The following HIBADH variants were observed in gnomAD, a reference collection of about 807,000 sequenced individuals.
HIBADH encodes the protein 3-hydroxyisobutyrate dehydrogenase, mitochondrial.
Under a neutral mutation model 36.1 loss-of-function variants are expected in HIBADH, and 25 were observed. That is an observed-to-expected ratio of 0.69 (90% CI 0.50 to 0.97). HIBADH has a LOEUF of 0.97. HIBADH is among the 50% of genes least tolerant of loss of function. The pLI, the probability that HIBADH is intolerant of heterozygous loss-of-function variation, is 0.00. For synonymous variants in HIBADH, 160 were observed against 149.5 expected (o/e 1.07, Z -0.51); for missense variants, 421 against 418.0 (o/e 1.01, Z -0.06).
At chr7:27,628,145 T>C (rs1259397749) in intron 4 of HIBADH, among the ~76,000 whole-genome samples, 1 of 152,106 alleles carries the variant, frequency 6.6e-6, no homozygotes, top group Non-Finnish European at 1.5e-5. Flanking sequence ...TAGTATTTTG[T>C]AGGTACTTTT....
intron 4 of HIBADH, among the ~76,000 whole-genome samples, chr7:27,623,618 G>A (rs942326710): frequency 5.9e-5 from 9 of 152,032 alleles, no homozygotes; most frequent in East Asian, 1.9e-4. Flanking sequence ...TGATCTAGCC[G>A]AGAAGAACAT....
At chr7:27,570,765 A>C (rs1263187090) in intron 4 of HIBADH, among the ~76,000 whole-genome samples, 2 of 152,058 alleles carry the variant, frequency 1.3e-5, no homozygotes, top group Non-Finnish European at 2.9e-5. Flanking sequence ...TTTTATAGGT[A>C]ATGTGTCTTT....
chr7:27,619,602 G>A (rs12700823), intron 4 of HIBADH, among the ~76,000 whole-genome samples: 120,866 of 152,144 alleles, frequency 0.79, 48,406 homozygotes, highest in East Asian at 0.97. Flanking sequence ...GAAATTTACC[G>A]AAGAGATAGA....
At chr7:27,640,927 C>T (rs779038604) in intron 2 of HIBADH, among the ~76,000 whole-genome samples, 1 of 152,110 alleles carries the variant, frequency 6.6e-6, no homozygotes, top group Non-Finnish European at 1.5e-5. Flanking sequence ...CAGTCCATGA[C>T]CAAAACATCC....
intron 1 of HIBADH, among the ~76,000 whole-genome samples, chr7:27,652,182 T>C (rs2128297341): frequency 6.6e-6 from 1 of 152,338 alleles, no homozygotes; most frequent in East Asian, 1.9e-4. Flanking sequence ...AATACTTTAC[T>C]AAGTTGTAAT....
At chr7:27,578,320 G>C (rs1333857738) in intron 4 of HIBADH, among the ~76,000 whole-genome samples, 1 of 78,706 alleles carries the variant, frequency 1.3e-5, no homozygotes, top group African/African-American at 7.1e-5. Context: ...TCAATGTTTA[G>C]ATTTTTTTTT....
At chr7:27,593,330 A>C (rs1784975338) in intron 4 of HIBADH, among the ~76,000 whole-genome samples, 2 of 152,166 alleles carry the variant, frequency 1.3e-5, no homozygotes, top group Non-Finnish European at 2.9e-5. Flanking sequence ...GGTCCCAAGC[A>C]TTTTGGCTAA....
chr7:27,575,915 T>A (rs1455243483), intron 4 of HIBADH, among the ~76,000 whole-genome samples: 2 of 152,250 alleles, frequency 1.3e-5, no homozygotes, highest in African/African-American at 4.8e-5. Flanking sequence ...CTTATATGCA[T>A]ACAATCTTCC....
rs376995404 is a variant in HIBADH at position 27,646,166 on chromosome 7, G to A, written c.252+3307C>T. On this transcript the variant is annotated intron_variant, in intron 2 of 7. Transcript: ENST00000265395. ...ATAAATATTATTAAATTGTAACTCC[G>A]TGGGTACAGAACCACACAAGAGAAG... 7.2e-5 allele frequency among the ~76,000 whole-genome samples: 11 copies of A among 152,092 alleles called. No individual in the cohort carries two copies. In the East Asian group the frequency reaches 1.5e-3, roughly 21 times the overall value.
At chr7:27,645,368 ATTTTTTTTTTTTTTT>A (rs762685685) in intron 2 of HIBADH, among the ~76,000 whole-genome samples, 1 of 59,652 alleles carries the variant, frequency 1.7e-5, no homozygotes, top group Non-Finnish European at 3.1e-5. Flanking sequence ...CATGGTTTTG[ATTTTTTTTTTTTTTT>A]TTTTTTTTTT....
chr7:27,580,980 T>C (rs1349181271), intron 4 of HIBADH, among the ~76,000 whole-genome samples: 2 of 152,156 alleles, frequency 1.3e-5, no homozygotes, highest in Non-Finnish European at 2.9e-5. Flanking sequence ...CATGTGGAAG[T>C]TCTTTCACGA....
Position 27,538,543 on chromosome 7 carries a change from G to A in HIBADH, c.619-126C>T, listed in dbSNP as rs148941876. On this transcript the variant is annotated intron_variant, in intron 5 of 7. Coordinates refer to ENST00000265395, the MANE Select transcript of HIBADH (RefSeq NM_152740.4). ...ATAACATTCAACTGTTGATTTTCTC[G>A]AGTGCGGAAGAGAACCTGATGCAGC... The A allele has an allele frequency of 7.7e-4, 594 of 768,264 alleles. 3 individuals are homozygous for A. In the African/African-American group the frequency reaches 8.9e-3, roughly 12 times the overall value. 47.6% of individuals were successfully genotyped at this position (768,264 alleles called of 1,614,324 possible).
intron 4 of HIBADH, among the ~76,000 whole-genome samples, chr7:27,606,383 G>C (rs1312693667): frequency 6.6e-6 from 1 of 152,174 alleles, no homozygotes; most frequent in Non-Finnish European, 1.5e-5. Context: ...TGGTTAAATG[G>C]TAAGGAAATG....
chr7:27,632,894 AAGTCCC>A (rs1419198477), intron 2 of HIBADH, among the ~76,000 whole-genome samples: 7 of 152,128 alleles, frequency 4.6e-5, no homozygotes, highest in African/African-American at 1.7e-4. Flanking sequence ...ACAAAATCTC[AAGTCCC>A]AGTCCCCACC....
intron 6 of HIBADH, among the ~76,000 whole-genome samples, chr7:27,538,094 G>A (rs1784093236): frequency 1.3e-5 from 2 of 152,112 alleles, no homozygotes; most frequent in South Asian, 2.1e-4. Flanking sequence ...GGATAATATA[G>A]CTTCAAATGC....
intron 4 of HIBADH, among the ~76,000 whole-genome samples, chr7:27,606,292 T>A (rs1407617606): frequency 6.6e-6 from 1 of 152,178 alleles, no homozygotes; most frequent in African/African-American, 2.4e-5. Context: ...AAGTTCACAA[T>A]GCTGGTGGGC....
At chr7:27,526,885 A>C (rs1472181197) in intron 7 of HIBADH, among the ~76,000 whole-genome samples, 2 of 152,184 alleles carry the variant, frequency 1.3e-5, no homozygotes, top group Non-Finnish European at 2.9e-5. Context: ...CAATTAAATA[A>C]GCATGGTATA....
chr7:27,545,341 A>G (rs1784222550), intron 4 of HIBADH, among the ~76,000 whole-genome samples: 1 of 152,178 alleles, frequency 6.6e-6, no homozygotes, highest in Non-Finnish European at 1.5e-5. Flanking sequence ...CAGGAGGCTG[A>G]GATGGAGGAT....
chr7:27,589,019 A>G (rs1169505678), intron 4 of HIBADH, among the ~76,000 whole-genome samples: 1 of 152,234 alleles, frequency 6.6e-6, no homozygotes, highest in Non-Finnish European at 1.5e-5. Flanking sequence ...TATGTGAATA[A>G]TATGTATGAA....
Sources: allele counts gnomAD v4.1 joint callset (sites outside exome capture counted in the v4.1 genomes callset), GRCh38; gene constraint gnomAD v4.1.1; transcripts MANE v1.5; gene names NCBI Gene and HGNC (gene_info 2026-07-23, HGNC 2026-07-21).